Variants in HPCAL1 observed in about 807,000 individuals in gnomAD.
The protein encoded by HPCAL1 is hippocalcin-like protein 1.
Under a neutral mutation model 17.1 loss-of-function variants are expected in HPCAL1, and 8 were observed. The ratio of observed to expected loss-of-function variants is 0.47; its 90% CI spans 0.27 to 0.84. The LOEUF is 0.84. Ranked by LOEUF, HPCAL1 falls within the 40% of genes least tolerant of loss-of-function variation. The pLI is 0.13. For synonymous variants in HPCAL1, 112 were observed against 111.4 expected (o/e 1.01, Z -0.03); for missense variants, 165 against 271.1 (o/e 0.61, Z 2.75).
intron 1 of HPCAL1, among the ~76,000 whole-genome samples, chr2:10,380,360 A>G (rs565281564): frequency 6.6e-6 from 1 of 152,190 alleles, no homozygotes; most frequent in South Asian, 2.1e-4. Flanking sequence ...CTATTTATGT[A>G]GGGTCTGCTG....
At chr2:10,404,303 C>T (rs1435444521) in intron 2 of HPCAL1, among the ~76,000 whole-genome samples, 1 of 152,202 alleles carries the variant, frequency 6.6e-6, no homozygotes, top group African/African-American at 2.4e-5. Context: ...TCCAGCCATG[C>T]CCTTTTGCCT....
At chr2:10,333,454 C>T (rs2125425722) in intron 1 of HPCAL1, among the ~76,000 whole-genome samples, 1 of 152,286 alleles carries the variant, frequency 6.6e-6, no homozygotes, top group East Asian at 1.9e-4. Flanking sequence ...TCTCGGGATC[C>T]TGCTGGCAGA....
rs956081773 is a variant in HPCAL1 at position 10,384,749 on chromosome 2, T to G, written c.-110-12086T>G. 6.6e-6 allele frequency among the ~76,000 whole-genome samples: 1 copy of G among 152,086 alleles called. No homozygotes were observed. Among genetic ancestry groups the G allele is most frequent in the African/African-American group, 2.4e-5 (1 of 41,394 alleles). On this transcript the variant is annotated intron_variant, in intron 1 of 4. Coordinates refer to ENST00000307845, the MANE Select transcript of HPCAL1 (RefSeq NM_002149.4). This position sits in a 1 kb window ranked among gnomAD's most constrained non-coding sequence, Gnocchi z 4.4. ...TGCAGTGGCAGCCGGGGCTGGCACT[T>G]TTAAAGAAAGCCTCAAGACTTCTCT...
At chr2:10,369,375 C>T (rs1667071468) in intron 1 of HPCAL1, among the ~76,000 whole-genome samples, 1 of 152,208 alleles carries the variant, frequency 6.6e-6, no homozygotes, top group South Asian at 2.1e-4. Context: ...GAGGAATTCT[C>T]TCGGGATTTT....
chr2:10,341,950 C>T (rs1157861436), intron 1 of HPCAL1, among the ~76,000 whole-genome samples: 2 of 150,844 alleles, frequency 1.3e-5, no homozygotes, highest in Non-Finnish European at 3.0e-5. Context: ...TTGAGGATTG[C>T]TTTGAGGCCA....
rs371344084 is a variant in HPCAL1 at position 10,349,166 on chromosome 2, G to A, written c.-111+45989G>A. Among the ~76,000 whole-genome samples the A allele has an allele frequency of 6.0e-4, 91 of 152,258 alleles. 1 individual carries two copies. Among genetic ancestry groups the A allele is most frequent in the African/African-American group, 2.1e-3 (88 of 41,540 alleles). ...AATTTCTTCCCTTTATTAACAGGCG[G>A]TAATGGAATCTGAATCTTCAAAAAT... On this transcript the variant is annotated intron_variant, in intron 1 of 4. Transcript: ENST00000307845.
At position 10,419,554 on chromosome 2, in the gene HPCAL1, T is replaced by C. The variant is rs555246501; in HGVS notation, c.-24-180T>C. ...TGAGGGTGAGCTGTCGTGATATAAT[T>C]AGAGTCTCTTGGCCTTCTTGGTGGT... On this transcript the variant is annotated intron_variant, in intron 2 of 4. Coordinates refer to ENST00000307845, the MANE Select transcript of HPCAL1 (RefSeq NM_002149.4). The surrounding 1 kb of genome is among the most constrained non-coding windows in gnomAD (Gnocchi z 5.0). Among the ~76,000 whole-genome samples, 1 of 152,000 alleles carries C rather than the reference T, an allele frequency of 6.6e-6. No individual in the cohort carries two copies. Among genetic ancestry groups the C allele is most frequent in the East Asian group, 1.9e-4 (1 of 5,168 alleles).
chr2:10,397,555 G>A (rs1669134733), intron 2 of HPCAL1, among the ~76,000 whole-genome samples: 2 of 152,226 alleles, frequency 1.3e-5, no homozygotes, highest in South Asian at 2.1e-4. Flanking sequence ...AAGGCTTGAG[G>A]GAGGGCAAAG....
chr2:10,372,523 A>G (rs1393724624), intron 1 of HPCAL1, among the ~76,000 whole-genome samples: 1 of 152,146 alleles, frequency 6.6e-6, no homozygotes. Flanking sequence ...GGGGAGGCGG[A>G]CAGGCGAGCG....
At chr2:10,415,018 C>T (rs776051666) in intron 2 of HPCAL1, among the ~76,000 whole-genome samples, 23 of 152,314 alleles carry the variant, frequency 1.5e-4, no homozygotes, top group Non-Finnish European at 3.1e-4. Flanking sequence ...GCTGAGCTGA[C>T]GAAGGGATGG....
At chr2:10,333,447 C>T (rs774523093) in intron 1 of HPCAL1, among the ~76,000 whole-genome samples, 1 of 152,118 alleles carries the variant, frequency 6.6e-6, no homozygotes, top group Non-Finnish European at 1.5e-5. Flanking sequence ...TGGCACCTCT[C>T]GGGATCCTGC....
At chr2:10,341,702 C>T (rs914520137) in intron 1 of HPCAL1, among the ~76,000 whole-genome samples, 7 of 151,892 alleles carry the variant, frequency 4.6e-5, no homozygotes, top group East Asian at 3.9e-4. Context: ...CAAGGCTGCC[C>T]GAGAGAGGGT....
intron 2 of HPCAL1, among the ~76,000 whole-genome samples, chr2:10,414,604 A>G (rs1670544862): frequency 6.6e-6 from 1 of 152,182 alleles, no homozygotes; most frequent in East Asian, 1.9e-4. Flanking sequence ...TTCCAAGTAC[A>G]GTCCCATTCT....
At position 10,419,905 on chromosome 2, in the gene HPCAL1, A is replaced by C. The variant is rs1670927328; in HGVS notation, c.148A>C (p.Lys50Gln). 6.2e-7 allele frequency: 1 copy of C among 1,613,720 alleles called. No homozygotes were observed. The highest frequency in any genetic ancestry group is 8.5e-7 in the Non-Finnish European group (1 of 1,179,984). The stretch of plus-strand genomic sequence containing the variant: ...CCACCTGACCGTGGACGAGTTCAAG[A>C]AGATCTACGCCAACTTCTTCCCCTA... ...TGHLTVDEFKKIYANFFPYGD... is the reference protein window; with the variant it reads ...TGHLTVDEFKQIYANFFPYGD... Residue 50 changes from lysine (K) to glutamine (Q), a missense_variant, in exon 3 of 5, where the codon AAG (lysine) becomes CAG (glutamine). Lys to Gln is a moderately conservative substitution (Grantham distance 53). Transcript: ENST00000307845. The surrounding 1 kb of genome is among the most constrained non-coding windows in gnomAD (Gnocchi z 5.0).
At position 10,362,762 on chromosome 2, in the gene HPCAL1, G is replaced by T. The variant is rs539042435; in HGVS notation, c.-110-34073G>T. Among the ~76,000 whole-genome samples, 1 of 152,336 alleles carries T rather than the reference G, an allele frequency of 6.6e-6. No individual in the cohort carries two copies. The highest frequency in any genetic ancestry group is 2.4e-5 in the African/African-American group (1 of 41,576). ...CTTCCCCAGCCCAGACGCTGAGGAG[G>T]GCAGCCAGAAGCCCCTGCATCAGGT... On this transcript the variant is annotated intron_variant, in intron 1 of 4. Transcript: ENST00000307845. This position sits in a 1 kb window ranked among gnomAD's most constrained non-coding sequence, Gnocchi z 5.0.
intron 2 of HPCAL1, among the ~76,000 whole-genome samples, chr2:10,412,627 C>T (rs559191835): frequency 1.3e-5 from 2 of 152,344 alleles, no homozygotes; most frequent in African/African-American, 2.4e-5. Context: ...AAATGTAGTC[C>T]GGCTGTGTGC....
intron 1 of HPCAL1, among the ~76,000 whole-genome samples, chr2:10,320,037 C>G (rs535113881): frequency 1.3e-5 from 2 of 152,110 alleles, no homozygotes; most frequent in South Asian, 2.1e-4. Context: ...TCCTGCAGCC[C>G]CCCGAGTCCC....
Position 10,323,725 on chromosome 2 carries a change from C to T in HPCAL1, c.-111+20548C>T, listed in dbSNP as rs577347262. Among the ~76,000 whole-genome samples, 4 of 152,360 alleles carry T rather than the reference C, an allele frequency of 2.6e-5. No homozygotes were observed. The East Asian group carries it at 5.8e-4, about 22-fold the overall frequency. On this transcript the variant is annotated intron_variant, in intron 1 of 4. Transcript: ENST00000307845. The surrounding 1 kb of genome is among the most constrained non-coding windows in gnomAD (Gnocchi z 4.6). ...TCAGGTAATGAGAATTAGCCCACAT[C>T]CATTCATTCCACAAATATTTATGGA...
In HPCAL1 at chr2:10,365,214, C is replaced by T. The variant is rs143151309; in HGVS notation, c.-110-31621C>T. Among the ~76,000 whole-genome samples, 6 of 152,286 alleles carry T rather than the reference C, an allele frequency of 3.9e-5. No homozygotes were observed. Among genetic ancestry groups the T allele is most frequent in the Non-Finnish European group, 5.9e-5 (4 of 68,020 alleles). ...AGGCCGCCAGAGAGGTCTAGGCCTC[C>T]GACCCTGACCTTGCTCCTCTTGGAT... On this transcript the variant is annotated intron_variant, in intron 1 of 4. Transcript: ENST00000307845. This position sits in a 1 kb window ranked among gnomAD's most constrained non-coding sequence, Gnocchi z 4.8.
Sources: gnomAD v4.1 joint callset for allele counts (sites outside exome capture counted in the v4.1 genomes callset) on GRCh38, gnomAD v4.1.1 for gene constraint, Gnocchi (gnomAD v3.1) non-coding constraint, MANE v1.5 for transcripts, NCBI Gene and HGNC (gene_info 2026-07-23, HGNC 2026-07-21) for gene names.